CYP4B1: variants seen among roughly 807,000 people sequenced by gnomAD.
The protein encoded by CYP4B1 is cytochrome P450 4B1.
In CYP4B1, 45 loss-of-function variants were observed where a neutral mutation model predicts 54.0. The ratio of observed to expected loss-of-function variants is 0.83; its 90% CI spans 0.66 to 1.07. The LOEUF is 1.07. CYP4B1 is among the 50% of genes least tolerant of loss of function. CYP4B1 has a pLI of 0.00. For missense variants in CYP4B1, 656 were observed against 655.4 expected (o/e 1.00, Z -0.01); for synonymous variants, 248 against 247.5 (o/e 1.00, Z -0.02).
intron 1 of CYP4B1, among the ~76,000 whole-genome samples, chr1:46,807,333 C>T (rs1389324851): frequency 6.6e-6 from 1 of 152,144 alleles, no homozygotes; most frequent in African/African-American, 2.4e-5. Flanking sequence ...TTGGATGAAC[C>T]AGATCAGCCA....
rs766821883 is a variant in CYP4B1 at position 46,799,248 on chromosome 1, G to A, written c.167G>A (p.Gly56Glu). 1.9e-6 allele frequency: 3 copies of A among 1,594,708 alleles called. No homozygotes were observed. Among genetic ancestry groups the A allele is most frequent in the Non-Finnish European group, 2.6e-6 (3 of 1,170,404 alleles). The change falls in exon 1 of 12, where the codon GGA becomes GAA. Residue 56 changes from glycine (G) to glutamate (E), a missense_variant. Physicochemically the swap from Gly to Glu is moderately conservative, Grantham distance 98. Coordinates refer to ENST00000371923, the MANE Select transcript of CYP4B1 (RefSeq NM_001099772.2). ...GGGCCTCCCACCCACTGGCTTTTTG[G>A]ACATGCCCTCGAGGTATGTGGAGGT... The part of the protein sequence containing the change: ...FPGPPTHWLF[G>E]HALEIQETGS...
chr1:46,809,996 T>G (rs149250300), intron 1 of CYP4B1, among the ~76,000 whole-genome samples: 2 of 152,188 alleles, frequency 1.3e-5, no homozygotes, highest in Non-Finnish European at 2.9e-5. Flanking sequence ...CTGGATGACC[T>G]ATTCAAGCTC....
intron 1 of CYP4B1, among the ~76,000 whole-genome samples, chr1:46,808,594 T>C (rs1160120481): frequency 6.6e-6 from 1 of 152,076 alleles, no homozygotes; most frequent in Non-Finnish European, 1.5e-5. Context: ...ATTTTGTAGG[T>C]TGCCTGCAGC....
Position 46,799,234 on chromosome 1 carries a change from C to G in CYP4B1, c.153C>G (p.Thr51=), listed in dbSNP as rs748297613. 9 of 1,600,396 alleles carry G rather than the reference C, an allele frequency of 5.6e-6. No homozygotes were observed. In the East Asian group the frequency reaches 2.0e-4, roughly 36 times the overall value. The change falls in exon 1 of 12, where the codon ACC becomes ACG. Residue 51 remains threonine, a synonymous_variant. Transcript: ENST00000371923. ...KAMDKFPGPP[T]HWLFGHALEI... ...TGGACAAATTCCCAGGGCCTCCCACCCACTGGCTTTTTGGACATGCCCTCG... is the reference window on the plus strand; with the variant it reads ...TGGACAAATTCCCAGGGCCTCCCACGCACTGGCTTTTTGGACATGCCCTCG...
intron 1 of CYP4B1, among the ~76,000 whole-genome samples, chr1:46,805,941 C>T (rs1215335376): frequency 1.3e-5 from 2 of 152,106 alleles, no homozygotes; most frequent in Non-Finnish European, 2.9e-5. Context: ...GAGAGCAGTC[C>T]TAGGGGGTTC....
intron 1 of CYP4B1, 99 bp from the exon 2 acceptor site, chr1:46,810,709 C>T (rs1679061667): frequency 7.5e-7 from 1 of 1,341,362 alleles, no homozygotes; most frequent in Non-Finnish European, 1.1e-6. Context: ...GCAACCAGGG[C>T]CTGCCTGGGC....
chr1:46,814,838 T>TGGGGG, intron 7 of CYP4B1: 1 of 555,358 alleles, frequency 1.8e-6, no homozygotes, highest in Non-Finnish European at 3.2e-6. Flanking sequence ...CAGTCAGGGC[T>TGGGGG]GGACAAGGTC....
chr1:46,815,458 C>G (rs994417074), intron 8 of CYP4B1, 194 bp downstream of exon 8: 1 of 453,840 alleles, frequency 2.2e-6, no homozygotes, highest in Non-Finnish European at 3.8e-6. Flanking sequence ...AGCCCATTCT[C>G]CCAAAATGGA....
chr1:46,800,530 A>G (rs946373796), intron 1 of CYP4B1, among the ~76,000 whole-genome samples: 9 of 151,648 alleles, frequency 5.9e-5, no homozygotes. Flanking sequence ...GGGTTTCACT[A>G]TGTTGGGCAG....
At chr1:46,807,618 T>G (rs1678912454) in intron 1 of CYP4B1, among the ~76,000 whole-genome samples, 1 of 152,216 alleles carries the variant, frequency 6.6e-6, no homozygotes, top group Non-Finnish European at 1.5e-5. Flanking sequence ...TTTTTATCAC[T>G]TTGTGTTCTT....
chr1:46,814,562 T>C (rs1196623192), intron 7 of CYP4B1, among the ~76,000 whole-genome samples: 2 of 152,180 alleles, frequency 1.3e-5, no homozygotes, highest in African/African-American at 4.8e-5. Context: ...TCTAGACTTC[T>C]AAGATCCCCC....
intron 11 of CYP4B1, 30 bp downstream of exon 11, chr1:46,818,243 C>G: frequency 1.9e-6 from 3 of 1,579,272 alleles, no homozygotes; most frequent in Non-Finnish European, 2.6e-6. Context: ...CCCAGGCCCT[C>G]AGGACTGGGG....
At chr1:46,800,203 CTTTCTT>C (rs1307398617) in intron 1 of CYP4B1, among the ~76,000 whole-genome samples, 3,201 of 33,482 alleles carry the variant, frequency 0.096, 832 homozygotes, top group Non-Finnish European at 0.2. Flanking sequence ...CTTTCTCTTT[CTTTCTT>C]TCTTTCTCTT....
intron 2 of CYP4B1, 56 bp downstream of exon 2, chr1:46,811,005 G>C: frequency 6.2e-7 from 1 of 1,604,288 alleles, no homozygotes. Flanking sequence ...AGAACAAAGG[G>C]CTCAGGGCAT....
intron 7 of CYP4B1, 48 bp downstream of exon 7, chr1:46,814,363 G>T: frequency 7.1e-7 from 1 of 1,415,684 alleles, no homozygotes; most frequent in East Asian, 2.3e-5. Flanking sequence ...TCCCAGAGAG[G>T]TCTTCAACCA....
intron 1 of CYP4B1, among the ~76,000 whole-genome samples, chr1:46,807,580 G>A (rs1044981949): frequency 3.9e-5 from 6 of 152,212 alleles, no homozygotes; most frequent in African/African-American, 1.2e-4. Context: ...ATACAAGAAT[G>A]TTTCCCCTTG....
chr1:46,817,761 C>T (rs1679394381), intron 9 of CYP4B1, among the ~76,000 whole-genome samples: 1 of 152,176 alleles, frequency 6.6e-6, no homozygotes, highest in Non-Finnish European at 1.5e-5. Flanking sequence ...GTGCTGTACC[C>T]AGTGCCGGGA....
intron 9 of CYP4B1, 76 bp downstream of exon 9, chr1:46,817,257 T>C: frequency 1.3e-6 from 2 of 1,578,542 alleles, no homozygotes; most frequent in East Asian, 2.3e-5. Context: ...TTTAGTCAAA[T>C]CTTTGCACTT....
intron 11 of CYP4B1, 66 bp downstream of exon 11, chr1:46,818,279 G>A (rs771474053): frequency 9.9e-6 from 14 of 1,415,496 alleles, no homozygotes; most frequent in Non-Finnish European, 1.3e-5. Context: ...ACATCATAGG[G>A]GAGGCACTAT....
Sources: gnomAD v4.1 joint callset for allele counts (sites outside exome capture counted in the v4.1 genomes callset) on GRCh38, gnomAD v4.1.1 for gene constraint, MANE v1.5 for transcripts, NCBI Gene and HGNC (gene_info 2026-07-23, HGNC 2026-07-21) for gene names.